The following KCNT2 variants were observed in gnomAD, a reference collection of about 807,000 sequenced individuals.
KCNT2 encodes potassium channel subfamily T member 2.
KCNT2 carries 67 observed loss-of-function variants against 153.8 expected under a neutral mutation model. That is an observed-to-expected ratio of 0.44 (90% CI 0.36 to 0.53). The LOEUF is 0.53. Among genes scored for constraint, KCNT2 ranks in the 20% least tolerant of loss-of-function variants. The pLI, the probability that KCNT2 is intolerant of heterozygous loss-of-function variation, is 0.00. For missense variants in KCNT2, 975 were observed against 1,354.8 expected, an observed-to-expected ratio of 0.72 and a Z score of 4.40; for synonymous variants, 500 against 458.8, an observed-to-expected ratio of 1.09 and a Z score of -1.15.
chr1:196,550,162 A>G (rs1281178448), intron 1 of KCNT2, among the ~76,000 whole-genome samples: 1 of 151,878 alleles, frequency 6.6e-6, no homozygotes, highest in African/African-American at 2.4e-5. Context: ...CTTGTCTCCA[A>G]TTCAATCCCA....
At chr1:196,392,664 ATGCAT>A (rs1670591440) in intron 13 of KCNT2, among the ~76,000 whole-genome samples, 1 of 151,368 alleles carries the variant, frequency 6.6e-6, no homozygotes, top group Non-Finnish European at 1.5e-5. Flanking sequence ...GGAAAAAGTG[ATGCAT>A]TGGAATATCT....
Position 196,316,402 on chromosome 1 carries a change from T to G in KCNT2, c.2349-376A>C, listed in dbSNP as rs542084388. On this transcript the variant is annotated intron_variant, in intron 20 of 27. Transcript: ENST00000294725. Reference sequence around the variant, plus strand: ...CTACTTCAAAGACACATTTACTTTTTTTTACTTCTAAAGTAATTTTGGTAA... The same window carrying G: ...CTACTTCAAAGACACATTTACTTTTGTTTACTTCTAAAGTAATTTTGGTAA... Among the ~76,000 whole-genome samples, 71 of 151,886 alleles carry G rather than the reference T, an allele frequency of 4.7e-4. No homozygotes were observed. In the South Asian group the frequency reaches 0.01, roughly 22 times the overall value.
chr1:196,370,545 T>TTA (rs1668434789), intron 14 of KCNT2, among the ~76,000 whole-genome samples: 2 of 151,312 alleles, frequency 1.3e-5, no homozygotes, highest in Admixed American at 1.3e-4. Flanking sequence ...ATGGTTATGA[T>TTA]AAAAAAAAGC....
chr1:196,608,057 T>A (rs1243755337), intron 1 of KCNT2, among the ~76,000 whole-genome samples, 158 bp downstream of exon 1: 1 of 152,160 alleles, frequency 6.6e-6, no homozygotes, highest in Non-Finnish European at 1.5e-5. Context: ...AGAGTCAAAA[T>A]GGAGAGACAA....
chr1:196,280,552 A>C (rs1659000194), intron 25 of KCNT2, among the ~76,000 whole-genome samples: 1 of 152,182 alleles, frequency 6.6e-6, no homozygotes, highest in South Asian at 2.1e-4. Context: ...CCTCAAGGTT[A>C]TTTGTAATTA....
intron 22 of KCNT2, among the ~76,000 whole-genome samples, chr1:196,291,555 G>T (rs1260015606): frequency 6.6e-6 from 1 of 151,964 alleles, no homozygotes; most frequent in African/African-American, 2.4e-5. Flanking sequence ...AATTAGGGAT[G>T]ATTAATACTT....
chr1:196,586,106 T>C (rs1662647227), intron 1 of KCNT2, among the ~76,000 whole-genome samples: 2 of 151,744 alleles, frequency 1.3e-5, no homozygotes, highest in Non-Finnish European at 2.9e-5. Context: ...TTTAAAAAAA[T>C]ACAAAAAATT....
intron 25 of KCNT2, among the ~76,000 whole-genome samples, chr1:196,268,256 T>C (rs1657732348): frequency 1.3e-5 from 2 of 152,158 alleles, no homozygotes; most frequent in African/African-American, 2.4e-5. Flanking sequence ...CCTTGCCTCA[T>C]ACATACACAA....
intron 8 of KCNT2, among the ~76,000 whole-genome samples, chr1:196,456,673 G>A (rs1463601137): frequency 1.3e-5 from 2 of 151,826 alleles, no homozygotes; most frequent in African/African-American, 4.8e-5. Flanking sequence ...AGTCCATTTT[G>A]ACTTTGTTCA....
Position 196,331,194 on chromosome 1 carries a change from G to T in KCNT2, c.2065C>A (p.His689Asn), listed in dbSNP as rs773983551. The change falls in exon 18 of 28, where the codon CAT becomes AAT. Residue 689 changes from histidine to asparagine, a missense_variant. By Grantham distance (68) the His-to-Asn change is moderately conservative. Around this residue, in one of 6 missense-constraint regions of KCNT2, gnomAD observed 325 missense variants for 388.1 expected, o/e 0.84. Transcript: ENST00000294725. ...AAGCAGCAAAATGGTACTTTTTCAT[G>T]AAGGAGATGACAAAAAGTGGGTGAA... is the stretch of plus-strand genomic sequence containing the variant. ...GSSPTFCHLL[H>N]EKVPFCCLRL... 1 of 1,609,068 alleles carries T rather than the reference G, an allele frequency of 6.2e-7. No individual in the cohort carries two copies. Among genetic ancestry groups the T allele is most frequent in the South Asian group, 1.1e-5 (1 of 90,952 alleles).
At chr1:196,389,495 T>C (rs183874582) in intron 13 of KCNT2, among the ~76,000 whole-genome samples, 2 of 151,738 alleles carry the variant, frequency 1.3e-5, no homozygotes, top group African/African-American at 2.4e-5. Flanking sequence ...CCAATGTGAA[T>C]GTTATCTTAT....
chr1:196,451,629 A>G, intron 8 of KCNT2, among the ~76,000 whole-genome samples: 1 of 151,438 alleles, frequency 6.6e-6, no homozygotes, highest in Non-Finnish European at 1.5e-5. Context: ...ACTAAAATAT[A>G]CTTCTTATAA....
chr1:196,548,085 T>C (rs557409298), intron 1 of KCNT2, among the ~76,000 whole-genome samples: 1 of 151,894 alleles, frequency 6.6e-6, no homozygotes, highest in South Asian at 2.1e-4. Context: ...AAAATGATGA[T>C]GTGAGGGAGA....
intron 25 of KCNT2, among the ~76,000 whole-genome samples, chr1:196,276,893 G>T (rs1434827196): frequency 6.6e-6 from 1 of 152,048 alleles, no homozygotes; most frequent in African/African-American, 2.4e-5. Flanking sequence ...CTCTCTGAAA[G>T]ATTTTAGGAT....
At chr1:196,356,798 T>C (rs1218543085) in intron 14 of KCNT2, among the ~76,000 whole-genome samples, 1 of 151,818 alleles carries the variant, frequency 6.6e-6, no homozygotes, top group Non-Finnish European at 1.5e-5. Context: ...AGATATAGGA[T>C]ATAAGGAGTG....
chr1:196,452,483 A>T (rs1425449926), intron 8 of KCNT2, among the ~76,000 whole-genome samples: 2 of 151,622 alleles, frequency 1.3e-5, no homozygotes, highest in Non-Finnish European at 2.9e-5. Context: ...CATGTAGATG[A>T]CTCCCTCAAC....
intron 1 of KCNT2, among the ~76,000 whole-genome samples, chr1:196,563,582 T>G (rs1392439243): frequency 6.6e-6 from 1 of 151,794 alleles, no homozygotes; most frequent in Non-Finnish European, 1.5e-5. Context: ...AAAGAAAATT[T>G]TAGCATAATA....
chr1:196,526,914 G>C (rs1037773812), intron 1 of KCNT2, among the ~76,000 whole-genome samples: 3 of 152,110 alleles, frequency 2.0e-5, no homozygotes, highest in African/African-American at 7.2e-5. Context: ...GTACCAGTCT[G>C]TGACCTGTTA....
In KCNT2 at chr1:196,326,720, T is replaced by C; in HGVS notation, c.2273A>G (p.Asn758Ser). ...ELNPIVLLLD[N>S]PPDMHFLDAI... is the part of the protein sequence containing the mutation. ...GTGTATCTTAAAATATACTTACGGG[T>C]TATCCAATAGCAGTACTATGGGATT... Residue 758 changes from asparagine to serine, a missense_variant, in exon 19 of 28, where the codon AAC becomes AGC. Transcript: ENST00000294725. 1 of 1,504,490 alleles carries C rather than the reference T, an allele frequency of 6.6e-7. No homozygotes were observed. Among genetic ancestry groups the C allele is most frequent in the Non-Finnish European group, 8.8e-7 (1 of 1,130,338 alleles). The allele number at this position is 1,504,490 out of a possible 1,614,324, so 93.2% of individuals were successfully genotyped here. A position where few individuals can be genotyped will look rare whatever the true frequency, so the allele number is the denominator to read the frequency against.
Sources: gnomAD v4.1 joint callset for allele counts (sites outside exome capture counted in the v4.1 genomes callset) on GRCh38, gnomAD v4.1.1 for gene constraint, gnomAD v4.1.1 regional missense constraint, MANE v1.5 for transcripts, NCBI Gene and HGNC (gene_info 2026-07-23, HGNC 2026-07-21) for gene names.